Variants in HMX3 observed in about 807,000 individuals in gnomAD.
HMX3 encodes homeobox protein HMX3.
In HMX3, 8 loss-of-function variants were observed where a neutral mutation model predicts 22.8. That is an observed-to-expected ratio of 0.35 (90% confidence interval 0.21 to 0.63). The LOEUF (loss-of-function observed/expected upper bound fraction) is 0.63. Among genes scored for constraint, HMX3 ranks in the 30% least tolerant of loss-of-function variants. The pLI, the probability that HMX3 is intolerant of heterozygous loss-of-function variation, is 0.72. For missense variants in HMX3, 527 were observed against 520.6 expected (o/e 1.01, Z -0.12); for synonymous variants, 331 against 250.9 (o/e 1.32, Z -3.02).
chr10:123,136,977 G>T lies in HMX3; in HGVS notation c.401-81G>T, dbSNP rs1844083336. On this transcript the variant is annotated intron_variant, in intron 1 of 1. Coordinates refer to ENST00000357878, the MANE Select transcript of HMX3 (RefSeq NM_001105574.2). The surrounding 1 kb of genome is among the most constrained non-coding windows in gnomAD (Gnocchi z 4.8). ...GGACCTGGAGGCCGGCGCGGGTTGA[G>T]CCTGCCGTCCCCAGGCGCCGGGCCT... 5 of 1,451,924 alleles carry T rather than the reference G, an allele frequency of 3.4e-6. No homozygotes were observed. The highest frequency in any genetic ancestry group is 4.6e-6 in the Non-Finnish European group (5 of 1,097,878). 89.9% of individuals were successfully genotyped at this position (1,451,924 alleles called of 1,614,324 possible). A position where few individuals can be genotyped will look rare whatever the true frequency, so the allele number is the denominator to read the frequency against.
Position 123,136,327 on chromosome 10 carries a change from T to G in HMX3, c.277T>G (p.Phe93Val), listed in dbSNP as rs761927186. Residue 93 changes from phenylalanine (F) to valine (V), a missense_variant, in exon 1 of 2, where the codon TTC becomes GTC. Phe to Val is a conservative substitution (Grantham distance 50, BLOSUM62 -1). Coordinates refer to ENST00000357878, the MANE Select transcript of HMX3 (RefSeq NM_001105574.2). The surrounding 1 kb of genome is among the most constrained non-coding windows in gnomAD (Gnocchi z 4.8). ...FALSQVGDLA[F>V]PRFEIPAQRF... ...GCTCTCGCAGGTGGGCGACCTGGCT[T>G]TCCCTCGCTTTGAGATCCCGGCGCA... 2.6e-6 allele frequency: 4 copies of G among 1,567,452 alleles called. No homozygotes were observed. In the East Asian group the frequency reaches 1.0e-4, roughly 40 times the overall value.
Position 123,136,414 on chromosome 10 carries a change from C to A in HMX3, c.364C>A (p.Leu122Met). 6.5e-7 allele frequency: 1 copy of A among 1,528,122 alleles called. No homozygotes were observed. The highest frequency in any genetic ancestry group is 2.6e-5 in the East Asian group (1 of 38,368). 94.7% of individuals were successfully genotyped at this position (1,528,122 alleles called of 1,614,324 possible). The change falls in exon 1 of 2, where the codon CTG (leucine) becomes ATG (methionine). Residue 122 changes from leucine to methionine, a missense_variant. By Grantham distance (15) the Leu-to-Met change is conservative (BLOSUM62 2). Around this residue, in one of 3 missense-constraint regions of HMX3, gnomAD observed 386 missense variants for 337.8 expected, o/e 1.14. Coordinates refer to ENST00000357878, the MANE Select transcript of HMX3 (RefSeq NM_001105574.2). This position sits in a 1 kb window ranked among gnomAD's most constrained non-coding sequence, Gnocchi z 4.8. Reference sequence around the variant, plus strand: ...CCCAGCCTGGTGGTACCCCTACACCCTGACCCCCGCCGGCGGCCACCTCCC... The same window carrying A: ...CCCAGCCTGGTGGTACCCCTACACCATGACCCCCGCCGGCGGCCACCTCCC... The part of the protein sequence containing the change: ...RSPAWWYPYT[L>M]TPAGGHLPRP...
chr10:123,137,780 C>G lies in HMX3; in HGVS notation c.*49C>G, dbSNP rs754766644. On this transcript the variant is annotated 3_prime_UTR_variant, in exon 2 of 2. Coordinates refer to ENST00000357878, the MANE Select transcript of HMX3 (RefSeq NM_001105574.2). The surrounding 1 kb of genome is among the most constrained non-coding windows in gnomAD (Gnocchi z 5.8). ...AGCGCCCGGCCTCCTTGTCCGGACC[C>G]CGGAGGAGACTGGGCCGGGCCGAGG... 1.5e-6 allele frequency: 2 copies of G among 1,352,216 alleles called. No individual in the cohort carries two copies. Among genetic ancestry groups the G allele is most frequent in the Middle Eastern group, 2.7e-4 (1 of 3,742 alleles). The allele number at this position is 1,352,216 out of a possible 1,614,324, so 83.8% of individuals were successfully genotyped here.
At position 123,137,619 on chromosome 10, in the gene HMX3, C is replaced by T; in HGVS notation, c.962C>T (p.Ala321Val). The T allele has an allele frequency of 6.4e-7, 1 of 1,552,822 alleles. No individual in the cohort carries two copies. The change falls in exon 2 of 2, where the codon GCT (alanine) becomes GTT (valine). Residue 321 changes from alanine to valine, a missense_variant. Physicochemically the swap from Ala to Val is moderately conservative, Grantham distance 64. This residue lies in a region of HMX3 where 100 missense variants were observed against 102.3 expected (regional missense o/e 0.98). Transcript: ENST00000357878. The surrounding 1 kb of genome is among the most constrained non-coding windows in gnomAD (Gnocchi z 5.8). ...HENSAAEGAA[A>V]AAAGAPVPVS... ...AACTCGGCGGCCGAGGGCGCGGCGG[C>T]TGCAGCCGCGGGGGCCCCGGTGCCA...
chr10:123,137,177 G>A lies in HMX3; in HGVS notation c.520G>A (p.Glu174Lys), dbSNP rs549910187. The A allele has an allele frequency of 7.5e-6, 12 of 1,603,602 alleles. No individual in the cohort carries two copies. The African/African-American group carries it at 8.0e-5, about 11-fold the overall frequency. The change falls in exon 2 of 2, where the codon GAG (glutamate) becomes AAG (lysine). Residue 174 changes from glutamate to lysine, a missense_variant. Around this residue, in one of 3 missense-constraint regions of HMX3, gnomAD observed 386 missense variants for 337.8 expected, o/e 1.14. Coordinates refer to ENST00000357878, the MANE Select transcript of HMX3 (RefSeq NM_001105574.2). The surrounding 1 kb of genome is among the most constrained non-coding windows in gnomAD (Gnocchi z 5.8). The stretch of plus-strand genomic sequence containing the variant: ...GGAGCTGGACTCCAAGAGCCCGGAC[G>A]AGATCATTCTGGAGGAGAGCGACTC... Reference protein sequence around the residue: ...HKELDSKSPDEIILEESDSEE... With the variant: ...HKELDSKSPDKIILEESDSEE...
Position 123,136,067 on chromosome 10 carries a change from C to A in HMX3, c.17C>A (p.Pro6Gln). ...GAGGGGACCATGCCGGAACCCGGGC[C>A]GGACGCTGCCGGCACCGCCAGCGCA... MPEPG[P>Q]DAAGTASAQP... The change falls in exon 1 of 2, where the codon CCG becomes CAG. Residue 6 changes from proline (P) to glutamine (Q), a missense_variant. Around this residue, in one of 3 missense-constraint regions of HMX3, gnomAD observed 386 missense variants for 337.8 expected, o/e 1.14. Coordinates refer to ENST00000357878, the MANE Select transcript of HMX3 (RefSeq NM_001105574.2). This position sits in a 1 kb window ranked among gnomAD's most constrained non-coding sequence, Gnocchi z 4.8. 3 of 1,396,622 alleles carry A rather than the reference C, an allele frequency of 2.1e-6. No homozygotes were observed. The highest frequency in any genetic ancestry group is 2.8e-6 in the Non-Finnish European group (3 of 1,073,808). The allele number at this position is 1,396,622 out of a possible 1,614,324, so 86.5% of individuals were successfully genotyped here.
rs1458503517 is a variant in HMX3, at chr10:123,138,248, C to G, written c.*517C>G. ...CACTTCGACCTCCGCCTCCCGGGTT[C>G]AAGTGATTCTCCTGTCTCAGCCTCC... On this transcript the variant is annotated 3_prime_UTR_variant, in exon 2 of 2. Transcript: ENST00000357878. Among the ~76,000 whole-genome samples, 1 of 149,212 alleles carries G rather than the reference C, an allele frequency of 6.7e-6. No homozygotes were observed. Among genetic ancestry groups the G allele is most frequent in the Non-Finnish European group, 1.5e-5 (1 of 67,574 alleles).
rs1844102829 is a variant in HMX3 at position 123,138,454 on chromosome 10, A to G, written c.*723A>G. Among the ~76,000 whole-genome samples, 2 of 152,174 alleles carry G rather than the reference A, an allele frequency of 1.3e-5. No homozygotes were observed. The highest frequency in any genetic ancestry group is 4.1e-4 in the South Asian group (2 of 4,836). Reference sequence around the variant, plus strand: ...TGAGCCACTGCGCCCGGCCTAGTTTATTCCTTTTCTATAGAACTGTTTTCA... The same window carrying G: ...TGAGCCACTGCGCCCGGCCTAGTTTGTTCCTTTTCTATAGAACTGTTTTCA... On this transcript the variant is annotated 3_prime_UTR_variant, in exon 2 of 2. Coordinates refer to ENST00000357878, the MANE Select transcript of HMX3 (RefSeq NM_001105574.2).
In HMX3 at chr10:123,137,096, T is replaced by C. The variant is rs199720543; in HGVS notation, c.439T>C (p.Ser147Pro). 4 of 1,610,950 alleles carry C rather than the reference T, an allele frequency of 2.5e-6. No individual in the cohort carries two copies. The highest frequency in any genetic ancestry group is 2.5e-6 in the Non-Finnish European group (3 of 1,179,168). ...CTTGCTGAGAGACTCCTCCCCCGCC[T>C]CCGGCACAGACCGCGACTCTCCGGA... ...KALLRDSSPASGTDRDSPEPL... is the reference protein window; with the variant it reads ...KALLRDSSPAPGTDRDSPEPL... The change falls in exon 2 of 2, where the codon TCC (serine) becomes CCC (proline). Residue 147 changes from serine to proline, a missense_variant. Ser to Pro is a moderately conservative substitution (Grantham distance 74). Around this residue, in one of 3 missense-constraint regions of HMX3, gnomAD observed 386 missense variants for 337.8 expected, o/e 1.14. Coordinates refer to ENST00000357878, the MANE Select transcript of HMX3 (RefSeq NM_001105574.2). The surrounding 1 kb of genome is among the most constrained non-coding windows in gnomAD (Gnocchi z 5.8).
In HMX3 at chr10:123,138,563, C is replaced by G. The variant is rs767320025; in HGVS notation, c.*832C>G. ...TGTTTCTTCCTCCCAACCCCCAAAT[C>G]AGTTATCCACCTTAATTTTCAAAAT... On this transcript the variant is annotated 3_prime_UTR_variant, in exon 2 of 2. Transcript: ENST00000357878. Among the ~76,000 whole-genome samples, 1 of 152,224 alleles carries G rather than the reference C, an allele frequency of 6.6e-6. No individual in the cohort carries two copies. Among genetic ancestry groups the G allele is most frequent in the Non-Finnish European group, 1.5e-5 (1 of 68,038 alleles).
In HMX3 at chr10:123,136,766, C is replaced by A. The variant is rs1844081096; in HGVS notation, c.401-292C>A. Reference sequence around the variant, plus strand: ...GAAGGAGGGGGTGATTCCAATGCGCCTAAGCCGAAAGGGAACCGTTCTGCC... The same window carrying A: ...GAAGGAGGGGGTGATTCCAATGCGCATAAGCCGAAAGGGAACCGTTCTGCC... On this transcript the variant is annotated intron_variant, in intron 1 of 1. Transcript: ENST00000357878. The surrounding 1 kb of genome is among the most constrained non-coding windows in gnomAD (Gnocchi z 4.8). 6.6e-6 allele frequency among the ~76,000 whole-genome samples: 1 copy of A among 152,092 alleles called. No homozygotes were observed. Among genetic ancestry groups the A allele is most frequent in the Admixed American group, 6.5e-5 (1 of 15,278 alleles).
In HMX3 at chr10:123,137,186, C is replaced by T. The variant is rs756236030; in HGVS notation, c.529C>T (p.Leu177=). ...LDSKSPDEII[L]EESDSEESKK... ...CTCCAAGAGCCCGGACGAGATCATT[C>T]TGGAGGAGAGCGACTCCGAGGAAAG... The change falls in exon 2 of 2, where the codon CTG becomes TTG. Residue 177 remains leucine, a synonymous_variant. Coordinates refer to ENST00000357878, the MANE Select transcript of HMX3 (RefSeq NM_001105574.2). The surrounding 1 kb of genome is among the most constrained non-coding windows in gnomAD (Gnocchi z 5.8). 2.5e-6 allele frequency: 4 copies of T among 1,602,542 alleles called. No homozygotes were observed. Among genetic ancestry groups the T allele is most frequent in the Non-Finnish European group, 3.4e-6 (4 of 1,174,696 alleles).
In HMX3 at chr10:123,137,143, C is replaced by G. The variant is rs771973849; in HGVS notation, c.486C>G (p.Pro162=). The G allele has an allele frequency of 9.9e-6, 16 of 1,608,056 alleles. No homozygotes were observed. The highest frequency in any genetic ancestry group is 1.4e-5 in the Non-Finnish European group (16 of 1,177,482). The part of the protein sequence containing the change: ...DSPEPLLKAD[P]DHKELDSKSP... ...CGGAGCCACTGCTCAAGGCCGACCC[C>G]GATCACAAGGAGCTGGACTCCAAGA... The change falls in exon 2 of 2, where the codon CCC becomes CCG. Residue 162 remains proline, a synonymous_variant. Coordinates refer to ENST00000357878, the MANE Select transcript of HMX3 (RefSeq NM_001105574.2). The surrounding 1 kb of genome is among the most constrained non-coding windows in gnomAD (Gnocchi z 5.8).
At position 123,136,101 on chromosome 10, in the gene HMX3, A is replaced by ACCCCC; in HGVS notation, c.53_54insCCCCC (p.Pro20ArgfsTer105). ...CCGGCACCGCCAGCGCACAGCCCCAACCGCCGCCGCCCCCCCCACCCGCTC... is the reference window on the plus strand; with the variant it reads ...CCGGCACCGCCAGCGCACAGCCCCAACCCCCCCGCCGCCGCCCCCCCCACCCGCTC... On this transcript the variant is annotated frameshift_variant, in exon 1 of 2. Transcript: ENST00000357878. LOFTEE classifies it high-confidence loss of function. This position sits in a 1 kb window ranked among gnomAD's most constrained non-coding sequence, Gnocchi z 4.8. The ACCCCC allele has an allele frequency of 7.2e-7, 1 of 1,386,892 alleles. No individual in the cohort carries two copies. The highest frequency in any genetic ancestry group is 2.5e-4 in the Middle Eastern group (1 of 4,022). 85.9% of individuals were successfully genotyped at this position (1,386,892 alleles called of 1,614,324 possible).
Position 123,137,760 on chromosome 10 carries a change from C to A in HMX3, c.*29C>A. On this transcript the variant is annotated 3_prime_UTR_variant, in exon 2 of 2. Transcript: ENST00000357878. This position sits in a 1 kb window ranked among gnomAD's most constrained non-coding sequence, Gnocchi z 5.8. ...CCCAGAGGGGTGGGGGAGGGAGCGC[C>A]CGGCCTCCTTGTCCGGACCCCGGAG... The A allele has an allele frequency of 7.2e-7, 1 of 1,398,602 alleles. No individual in the cohort carries two copies. The highest frequency in any genetic ancestry group is 9.3e-7 in the Non-Finnish European group (1 of 1,077,582). The allele number at this position is 1,398,602 out of a possible 1,614,324, so 86.6% of individuals were successfully genotyped here. A position where few individuals can be genotyped will look rare whatever the true frequency, so the allele number is the denominator to read the frequency against.
chr10:123,136,783 C>T lies in HMX3; in HGVS notation c.401-275C>T, dbSNP rs1310579288. Among the ~76,000 whole-genome samples the T allele has an allele frequency of 6.6e-6, 1 of 152,146 alleles. No homozygotes were observed. The highest frequency in any genetic ancestry group is 1.5e-5 in the Non-Finnish European group (1 of 68,036). ...CAATGCGCCTAAGCCGAAAGGGAAC[C>T]GTTCTGCCGGCCCCTGGCGAGGAAG... On this transcript the variant is annotated intron_variant, in intron 1 of 1. Transcript: ENST00000357878. This position sits in a 1 kb window ranked among gnomAD's most constrained non-coding sequence, Gnocchi z 4.8.
Position 123,138,439 on chromosome 10 carries a change from C to T in HMX3, c.*708C>T, listed in dbSNP as rs1268999887. ...CTGGGATTACAGGCGTGAGCCACTG[C>T]GCCCGGCCTAGTTTATTCCTTTTCT... On this transcript the variant is annotated 3_prime_UTR_variant, in exon 2 of 2. Transcript: ENST00000357878. 6.6e-6 allele frequency among the ~76,000 whole-genome samples: 1 copy of T among 152,218 alleles called. No individual in the cohort carries two copies. The highest frequency in any genetic ancestry group is 1.5e-5 in the Non-Finnish European group (1 of 68,036).
rs1474674528 is a variant in HMX3 at position 123,136,651 on chromosome 10, T to C, written c.400+201T>C. ...CCACTTGGTGAGAAAAGAAGTGGAA[T>C]TGGAGCCCCGGGCACGGTGCTTCCC... On this transcript the variant is annotated intron_variant, in intron 1 of 1. Coordinates refer to ENST00000357878, the MANE Select transcript of HMX3 (RefSeq NM_001105574.2). The surrounding 1 kb of genome is among the most constrained non-coding windows in gnomAD (Gnocchi z 4.8). Among the ~76,000 whole-genome samples, 1 of 152,110 alleles carries C rather than the reference T, an allele frequency of 6.6e-6. No individual in the cohort carries two copies. The highest frequency in any genetic ancestry group is 1.5e-5 in the Non-Finnish European group (1 of 68,020).
rs551831588 is a variant in HMX3, at chr10:123,136,505, G to A, written c.400+55G>A. 1.6e-6 allele frequency: 2 copies of A among 1,234,482 alleles called. No individual in the cohort carries two copies. The highest frequency in any genetic ancestry group is 2.4e-5 in the South Asian group (1 of 42,284). 76.5% of individuals were successfully genotyped at this position (1,234,482 alleles called of 1,614,324 possible). A position where few individuals can be genotyped will look rare whatever the true frequency, so the allele number is the denominator to read the frequency against. On this transcript the variant is annotated intron_variant, in intron 1 of 1. Transcript: ENST00000357878. This position sits in a 1 kb window ranked among gnomAD's most constrained non-coding sequence, Gnocchi z 4.8. ...CCCCCTGCGCGCCCGCCCCGTCCCC[G>A]CCCCGCGCTGCTTCCCTCCGCAGTT...
Sources: allele counts gnomAD v4.1 joint callset (sites outside exome capture counted in the v4.1 genomes callset), GRCh38; gene constraint gnomAD v4.1.1; regional missense constraint gnomAD v4.1.1; non-coding constraint Gnocchi (gnomAD v3.1); transcripts MANE v1.5; gene names NCBI Gene and HGNC (gene_info 2026-07-23, HGNC 2026-07-21).